PDE4B: variants seen among roughly 807,000 people sequenced by gnomAD.
PDE4B encodes the protein 3',5'-cyclic-AMP phosphodiesterase 4B.
PDE4B carries 20 observed loss-of-function variants against 82.2 expected under a neutral mutation model. The observed-to-expected ratio is 0.24, with a 90% confidence interval of 0.17 to 0.35. PDE4B has a LOEUF of 0.35. Ranked by LOEUF, PDE4B falls within the 10% of genes least tolerant of loss-of-function variation. The pLI, the probability that PDE4B is intolerant of heterozygous loss-of-function variation, is 1.00. For missense variants in PDE4B, 655 were observed against 907.2 expected (o/e 0.72, Z 3.57); for synonymous variants, 320 against 318.9 (o/e 1.00, Z -0.04).
rs561387187 is a variant in PDE4B, at chr1:66,178,570, T to C, written c.282-68890T>C. On this transcript the variant is annotated intron_variant, in intron 3 of 16. Coordinates refer to ENST00000341517, the MANE Select transcript of PDE4B (RefSeq NM_002600.4). ...TATGTTTAAATTTTCTTGTGGTCTT[T>C]AAAAACAGAAAAATGATATTTATTT... 1.2e-4 allele frequency among the ~76,000 whole-genome samples: 19 copies of C among 152,330 alleles called. No individual in the cohort carries two copies. The South Asian group carries it at 3.7e-3, about 30-fold the overall frequency.
chr1:66,149,297 C>T (rs1332144658), intron 3 of PDE4B, among the ~76,000 whole-genome samples: 1 of 152,066 alleles, frequency 6.6e-6, no homozygotes, highest in Non-Finnish European at 1.5e-5. Context: ...TCTAAATCCC[C>T]ATTTAAATTA....
Position 65,844,726 on chromosome 1 carries a change from T to TA in PDE4B, c.-71+51485dup, listed in dbSNP as rs566558472. ...ACAAACACATTACTTGAACAGCAAC[T>TA]AAAAAAAGAGATAAAAAGAAGTGGG... On this transcript the variant is annotated intron_variant, in intron 1 of 16. Transcript: ENST00000341517. Among the ~76,000 whole-genome samples the TA allele has an allele frequency of 1.9e-3, 289 of 152,182 alleles. 1 individual carries two copies. The highest frequency in any genetic ancestry group is 6.4e-3 in the African/African-American group (264 of 41,534).
At chr1:66,201,668 A>G (rs1648967707) in intron 3 of PDE4B, among the ~76,000 whole-genome samples, 1 of 146,912 alleles carries the variant, frequency 6.8e-6, no homozygotes, top group Admixed American at 6.8e-5. Flanking sequence ...GGTAGTTGGT[A>G]TTTCTGTGGG....
intron 7 of PDE4B, among the ~76,000 whole-genome samples, chr1:66,310,708 C>T (rs780036122): frequency 2.6e-5 from 4 of 152,098 alleles, no homozygotes; most frequent in African/African-American, 4.8e-5. Context: ...CCCCACTGTA[C>T]AGCTACGTGC....
chr1:65,857,424 C>A (rs1263926788), intron 1 of PDE4B, among the ~76,000 whole-genome samples: 1 of 152,164 alleles, frequency 6.6e-6, no homozygotes, highest in Non-Finnish European at 1.5e-5. Flanking sequence ...CTTCTCTTTA[C>A]TTTTTTATTT....
At chr1:66,372,206 A>T in intron 16 of PDE4B, 107 bp from the exon 17 acceptor site, 3 of 1,154,486 alleles carry the variant, frequency 2.6e-6, no homozygotes, top group Non-Finnish European at 3.7e-6. Context: ...ATTATGATTG[A>T]TCTTTCTGAA....
At chr1:65,855,311 A>C (rs2100230552) in intron 1 of PDE4B, among the ~76,000 whole-genome samples, 1 of 151,836 alleles carries the variant, frequency 6.6e-6, no homozygotes, top group East Asian at 1.9e-4. Context: ...GAGTATCTTG[A>C]TTTTGTTTTG....
chr1:66,157,086 A>C (rs1172656385), intron 3 of PDE4B, among the ~76,000 whole-genome samples: 1 of 152,140 alleles, frequency 6.6e-6, no homozygotes, highest in African/African-American at 2.4e-5. Flanking sequence ...CTAAAACTGA[A>C]CCCTGGAGGA....
At chr1:66,053,482 A>G (rs1655143124) in intron 3 of PDE4B, among the ~76,000 whole-genome samples, 1 of 152,208 alleles carries the variant, frequency 6.6e-6, no homozygotes, top group Admixed American at 6.5e-5. Context: ...TGGTACCATT[A>G]TTATCAATGG....
At chr1:65,818,640 A>G (rs1570969503) in intron 1 of PDE4B, among the ~76,000 whole-genome samples, 1 of 146,514 alleles carries the variant, frequency 6.8e-6, no homozygotes, top group Non-Finnish European at 1.5e-5. Context: ...AATGTTTAAT[A>G]CATACATATA....
intron 7 of PDE4B, among the ~76,000 whole-genome samples, chr1:66,331,326 T>C (rs1237894855): frequency 2.6e-5 from 4 of 152,236 alleles, no homozygotes. Context: ...TTATAAATGC[T>C]ATTTCTCTCA....
intron 7 of PDE4B, among the ~76,000 whole-genome samples, chr1:66,278,740 CTCCTTT>C (rs1232769145): frequency 6.6e-6 from 1 of 151,910 alleles, no homozygotes; most frequent in African/African-American, 2.4e-5. Context: ...GTAGCAGCAG[CTCCTTT>C]ATTGCTTCAT....
chr1:66,087,345 G>T (rs1657056191), intron 3 of PDE4B, among the ~76,000 whole-genome samples: 1 of 152,090 alleles, frequency 6.6e-6, no homozygotes, highest in African/African-American at 2.4e-5. Context: ...GGGGTTGTTT[G>T]TTTTTTTCTT....
chr1:66,205,725 C>A (rs1278206860), intron 3 of PDE4B, among the ~76,000 whole-genome samples: 1 of 152,324 alleles, frequency 6.6e-6, no homozygotes, highest in East Asian at 1.9e-4. Context: ...CATTATAATT[C>A]ATTTCCCTTT....
At chr1:65,805,856 A>T (rs190917142) in intron 1 of PDE4B, among the ~76,000 whole-genome samples, 1 of 152,224 alleles carries the variant, frequency 6.6e-6, no homozygotes, top group East Asian at 1.9e-4. Context: ...TTTAAATGTG[A>T]AGTCTTTTTC....
At chr1:66,050,234 T>C (rs578110366) in intron 3 of PDE4B, among the ~76,000 whole-genome samples, 1 of 152,208 alleles carries the variant, frequency 6.6e-6, no homozygotes, top group South Asian at 2.1e-4. Flanking sequence ...TAGAAAAATC[T>C]ATTGTTTTTA....
chr1:66,116,134 T>C (rs1645589116), intron 3 of PDE4B, among the ~76,000 whole-genome samples: 1 of 152,230 alleles, frequency 6.6e-6, no homozygotes, highest in African/African-American at 2.4e-5. Context: ...TCTGCTGAGA[T>C]GCTCATTAAA....
chr1:66,247,206 T>C (rs1653385213), intron 3 of PDE4B, among the ~76,000 whole-genome samples: 1 of 152,228 alleles, frequency 6.6e-6, no homozygotes, highest in African/African-American at 2.4e-5. Context: ...GTTCAAATTC[T>C]GGCTCCATTA....
chr1:66,240,935 G>A (rs2101657257), intron 3 of PDE4B, among the ~76,000 whole-genome samples: 1 of 152,314 alleles, frequency 6.6e-6, no homozygotes, highest in Non-Finnish European at 1.5e-5. Flanking sequence ...CCACAGAGCT[G>A]GAAGTAGAAG....
Sources: gnomAD v4.1 joint callset for allele counts (sites outside exome capture counted in the v4.1 genomes callset) on GRCh38, gnomAD v4.1.1 for gene constraint, MANE v1.5 for transcripts, NCBI Gene and HGNC (gene_info 2026-07-23, HGNC 2026-07-21) for gene names.